The following ARL15 variants were observed in gnomAD, a reference collection of about 807,000 sequenced individuals.
ARL15 encodes ADP-ribosylation factor-like protein 15.
In ARL15, 19 loss-of-function variants were observed where a neutral mutation model predicts 25.2. That is an observed-to-expected ratio of 0.75 (90% CI 0.53 to 1.10). The LOEUF (loss-of-function observed/expected upper bound fraction) is 1.10, where lower values mean the gene tolerates loss of function less well. ARL15 is among the 50% of genes least tolerant of loss of function. The pLI is 0.00. For synonymous variants in ARL15, 94 were observed against 86.8 expected (o/e 1.08, Z -0.46); for missense variants, 220 against 246.0 (o/e 0.89, Z 0.71).
At chr5:54,172,118 T>C (rs35105742) in intron 1 of ARL15, among the ~76,000 whole-genome samples, 190 bp from the exon 2 acceptor site, 21,394 of 152,152 alleles carry the variant, frequency 0.14, 1,701 homozygotes, top group Non-Finnish European at 0.19. Context: ...AAGTTAACAT[T>C]CTTAGTTATG....
At position 54,129,410 on chromosome 5, in the gene ARL15, G is replaced by C. The variant is rs980595921; in HGVS notation, c.254-16000C>G. 2.6e-5 allele frequency among the ~76,000 whole-genome samples: 4 copies of C among 152,278 alleles called. No individual in the cohort carries two copies. The East Asian group carries it at 7.7e-4, about 29-fold the overall frequency. Reference sequence around the variant, plus strand: ...ATTAGAAGTAGTAAATCATTATGTGGGTGATGGAAGAGAGAGAGAATCTGC... The same window carrying C: ...ATTAGAAGTAGTAAATCATTATGTGCGTGATGGAAGAGAGAGAGAATCTGC... On this transcript the variant is annotated intron_variant, in intron 3 of 4. Transcript: ENST00000504924.
intron 4 of ARL15, among the ~76,000 whole-genome samples, chr5:53,965,247 G>A (rs1200886673): frequency 6.6e-6 from 1 of 152,100 alleles, no homozygotes; most frequent in Non-Finnish European, 1.5e-5. Flanking sequence ...ATCTCCTTTA[G>A]TGTTTAATCA....
intron 4 of ARL15, among the ~76,000 whole-genome samples, chr5:54,064,887 C>CT: frequency 6.6e-6 from 1 of 152,232 alleles, no homozygotes; most frequent in South Asian, 2.1e-4. Context: ...GGATAGCCAA[C>CT]TTTTTGTATA....
At chr5:54,012,782 C>G (rs1203047681) in intron 4 of ARL15, among the ~76,000 whole-genome samples, 3 of 151,778 alleles carry the variant, frequency 2.0e-5, no homozygotes, top group East Asian at 3.9e-4. Context: ...CCTCGGCCTA[C>G]CAAAGTGCTG....
intron 2 of ARL15, among the ~76,000 whole-genome samples, chr5:54,159,653 G>A (rs374162212): frequency 1.1e-4 from 16 of 152,198 alleles, no homozygotes; most frequent in African/African-American, 3.6e-4. Context: ...TTTGATGGCT[G>A]AAGCCTAAGT....
At chr5:54,140,417 C>CAGATAGAT (rs57386310) in intron 3 of ARL15, among the ~76,000 whole-genome samples, 3,622 of 145,330 alleles carry the variant, frequency 0.025, 47 homozygotes, top group East Asian at 0.044. Flanking sequence ...TGTGGATAGA[C>CAGATAGAT]AGATAGATAG....
At chr5:54,259,530 GA>G (rs1391238222) in intron 1 of ARL15, among the ~76,000 whole-genome samples, 3 of 152,274 alleles carry the variant, frequency 2.0e-5, no homozygotes, top group Admixed American at 1.3e-4. Flanking sequence ...GCAAGTGAAA[GA>G]AACAGGTTAG....
At chr5:54,160,813 G>A (rs995822000) in intron 2 of ARL15, among the ~76,000 whole-genome samples, 2 of 152,092 alleles carry the variant, frequency 1.3e-5, no homozygotes, top group African/African-American at 2.4e-5. Context: ...GAAATTAAAC[G>A]AACACATCCT....
chr5:53,941,861 C>A (rs1273191432), intron 4 of ARL15, among the ~76,000 whole-genome samples: 1 of 152,066 alleles, frequency 6.6e-6, no homozygotes, highest in Admixed American at 6.6e-5. Flanking sequence ...CTAACTGTCT[C>A]CAGCAGTAGA....
intron 4 of ARL15, among the ~76,000 whole-genome samples, chr5:54,006,503 C>A (rs1373807248): frequency 1.3e-5 from 2 of 150,754 alleles, no homozygotes; most frequent in African/African-American, 4.9e-5. Flanking sequence ...CCACAAAAGT[C>A]TGTATATGAC....
intron 4 of ARL15, among the ~76,000 whole-genome samples, chr5:53,922,929 C>A (rs991123531): frequency 4.6e-5 from 7 of 152,252 alleles, no homozygotes; most frequent in Admixed American, 3.9e-4. Flanking sequence ...ATGCTGCTGA[C>A]TGACTGACAT....
At chr5:54,188,169 T>C (rs1048246723) in intron 1 of ARL15, among the ~76,000 whole-genome samples, 3 of 152,168 alleles carry the variant, frequency 2.0e-5, no homozygotes, top group African/African-American at 7.2e-5. Flanking sequence ...CAATCATATT[T>C]ATGGTTAGCA....
intron 1 of ARL15, among the ~76,000 whole-genome samples, chr5:54,229,361 C>T (rs576402969): frequency 6.6e-6 from 1 of 152,212 alleles, no homozygotes; most frequent in East Asian, 1.9e-4. Flanking sequence ...TGTGCCTGCC[C>T]CCTGGTGGCT....
At chr5:53,976,210 C>A (rs1747917012) in intron 4 of ARL15, among the ~76,000 whole-genome samples, 1 of 152,134 alleles carries the variant, frequency 6.6e-6, no homozygotes, top group African/African-American at 2.4e-5. Flanking sequence ...GATAGGCAAC[C>A]ACACGAGTAC....
At chr5:54,298,364 C>T (rs867793384) in intron 1 of ARL15, among the ~76,000 whole-genome samples, 32 of 152,214 alleles carry the variant, frequency 2.1e-4, no homozygotes, top group African/African-American at 3.9e-4. Context: ...CACGACACAA[C>T]TACCAACCCT....
At chr5:53,907,435 T>G (rs1344746702) in intron 4 of ARL15, among the ~76,000 whole-genome samples, 1 of 130,384 alleles carries the variant, frequency 7.7e-6, no homozygotes, top group Non-Finnish European at 1.6e-5. Flanking sequence ...GAGAAGAAGG[T>G]TGAAAGGTTG....
At chr5:53,912,376 C>T (rs571667153) in intron 4 of ARL15, among the ~76,000 whole-genome samples, 59 of 152,180 alleles carry the variant, frequency 3.9e-4, no homozygotes, top group African/African-American at 7.2e-4. Flanking sequence ...AACAAAAAAA[C>T]GGTTTTCAAT....
At chr5:54,134,554 G>A (rs1250289554) in intron 3 of ARL15, among the ~76,000 whole-genome samples, 2 of 131,234 alleles carry the variant, frequency 1.5e-5, no homozygotes, top group African/African-American at 5.7e-5. Flanking sequence ...TGAGCTCCCT[G>A]AAGGAATGAT....
chr5:54,017,474 T>A (rs1290033118), intron 4 of ARL15, among the ~76,000 whole-genome samples: 1 of 151,924 alleles, frequency 6.6e-6, no homozygotes, highest in East Asian at 1.9e-4. Context: ...TCTAGGCTAT[T>A]ATGATAACTT....
Sources: allele counts gnomAD v4.1 joint callset (sites outside exome capture counted in the v4.1 genomes callset), GRCh38; gene constraint gnomAD v4.1.1; transcripts MANE v1.5; gene names NCBI Gene and HGNC (gene_info 2026-07-23, HGNC 2026-07-21).